The following AKR1C3 variants were observed in gnomAD, a reference collection of about 807,000 sequenced individuals.
AKR1C3 encodes the protein aldo-keto reductase family 1 member C3, also known as 3-alpha hydroxysteroid dehydrogenase, type II.
A neutral mutation model predicts 43.6 loss-of-function variants in AKR1C3; 48 were observed. The ratio of observed to expected loss-of-function variants is 1.10; its 90% confidence interval spans 0.87 to 1.40. The LOEUF is 1.40. Ranked by LOEUF, AKR1C3 falls within the 40% of genes most tolerant of loss-of-function variation. The pLI, the probability that AKR1C3 is intolerant of heterozygous loss-of-function variation, is 0.00. For synonymous variants in AKR1C3, 162 were observed against 139.6 expected (o/e 1.16, Z -1.13); for missense variants, 482 against 391.2 (o/e 1.23, Z -1.96).
At chr10:5,086,515 G>A (rs987964966) in intron 1 of AKR1C3, among the ~76,000 whole-genome samples, 5 of 151,702 alleles carry the variant, frequency 3.3e-5, no homozygotes, top group Non-Finnish European at 5.9e-5. Flanking sequence ...CAATTTTGGA[G>A]TAGGTGTGGT....
intron 1 of AKR1C3, among the ~76,000 whole-genome samples, chr10:5,087,904 A>G (rs190545160): frequency 6.6e-6 from 1 of 152,018 alleles, no homozygotes; most frequent in East Asian, 1.9e-4. Flanking sequence ...CTAGTTCCTT[A>G]GAAGTGACTT....
At chr10:5,058,641 C>A (rs1366897291) in intron 1 of AKR1C3, among the ~76,000 whole-genome samples, 2 of 152,204 alleles carry the variant, frequency 1.3e-5, no homozygotes, top group East Asian at 1.9e-4. Context: ...GCAGTGGAAA[C>A]AACCCCTGCC....
At position 5,062,508 on chromosome 10, in the gene AKR1C3, A is replaced by G. The variant is rs541840880; in HGVS notation, c.84+13613A>G. Among the ~76,000 whole-genome samples the G allele has an allele frequency of 2.0e-5, 3 of 152,330 alleles. No homozygotes were observed. The South Asian group carries it at 6.2e-4, about 32-fold the overall frequency. Reference sequence around the variant, plus strand: ...AATAATGTGTGCTCTACATCTCCGTATTAGTGTCTAATGAACATTCACCCT... The same window carrying G: ...AATAATGTGTGCTCTACATCTCCGTGTTAGTGTCTAATGAACATTCACCCT... On this transcript the variant is annotated intron_variant, in intron 1 of 8. Coordinates refer to the AKR1C3 transcript ENST00000439082.
chr10:5,073,923 C>G lies in AKR1C3; in HGVS notation c.85-22487C>G, dbSNP rs182567957. ...AAGATAAATCTTAGGGCCCCAAAATCACTAAGCTAAAGAAAAAAGTCAAGC... is the reference window on the plus strand; with the variant it reads ...AAGATAAATCTTAGGGCCCCAAAATGACTAAGCTAAAGAAAAAAGTCAAGC... On this transcript the variant is annotated intron_variant, in intron 1 of 8. Coordinates refer to the AKR1C3 transcript ENST00000439082. Among the ~76,000 whole-genome samples the G allele has an allele frequency of 2.8e-3, 419 of 152,164 alleles. 2 individuals are homozygous for G. The highest frequency in any genetic ancestry group is 9.2e-3 in the African/African-American group (380 of 41,506).
chr10:5,092,466 G>T (rs1312783287), upstream of AKR1C3, among the ~76,000 whole-genome samples: 2 of 138,524 alleles, frequency 1.4e-5, no homozygotes, highest in African/African-American at 5.3e-5. Flanking sequence ...TTTAGGGTCT[G>T]TTCACATCTC....
At chr10:5,098,970 A>T in intron 4 of AKR1C3, 91 bp downstream of exon 4, 1 of 1,062,546 alleles carries the variant, frequency 9.4e-7, no homozygotes, top group Middle Eastern at 2.1e-4. Flanking sequence ...AATATGCACC[A>T]TTAGATCTAG....
intron 1 of AKR1C3, among the ~76,000 whole-genome samples, chr10:5,069,490 A>G (rs1447090997): frequency 6.6e-6 from 1 of 152,240 alleles, no homozygotes; most frequent in Non-Finnish European, 1.5e-5. Flanking sequence ...CACTACTAAC[A>G]TAATCTTTTC....
At chr10:5,049,367 G>T (rs561354206) in intron 1 of AKR1C3, among the ~76,000 whole-genome samples, 2 of 152,258 alleles carry the variant, frequency 1.3e-5, no homozygotes, top group South Asian at 4.1e-4. Context: ...CTGATATGCG[G>T]CCTTGAGCAC....
chr10:5,098,283 C>T (rs782047410), intron 3 of AKR1C3: 3 of 764,762 alleles, frequency 3.9e-6, no homozygotes, highest in Non-Finnish European at 4.8e-6. Context: ...TTGACCCAAA[C>T]TTTTTCATTG....
At chr10:5,063,764 G>GAAAAAAAAAAAAAAAAAAAAAAAAAAA (rs1406943359) in intron 1 of AKR1C3, among the ~76,000 whole-genome samples, 5 of 33,434 alleles carry the variant, frequency 1.5e-4, no homozygotes, top group Middle Eastern at 0.018. Flanking sequence ...CTCTGTCTCA[G>GAAAAAAAAAAAAAAAAAAAAAAAAAAA]CAAAAAAAAA....
At chr10:5,073,567 T>G (rs941861858) in intron 1 of AKR1C3, among the ~76,000 whole-genome samples, 1 of 152,284 alleles carries the variant, frequency 6.6e-6, no homozygotes, top group Non-Finnish European at 1.5e-5. Flanking sequence ...CTTACCCACA[T>G]GACTCAGCGA....
chr10:5,094,413 C>T, upstream of AKR1C3: 3 of 1,605,882 alleles, frequency 1.9e-6, no homozygotes, highest in Non-Finnish European at 2.6e-6. Flanking sequence ...GAAGCAGCAG[C>T]AAACATTTGC....
intron 3 of AKR1C3, chr10:5,098,131 C>T (rs41306310): frequency 0.058 from 57,183 of 986,000 alleles, 1,828 homozygotes; most frequent in Non-Finnish European, 0.064. Flanking sequence ...ACTACTCAGG[C>T]TAGTTAATGC....
intron 1 of AKR1C3, among the ~76,000 whole-genome samples, chr10:5,073,705 C>T (rs1382669783): frequency 2.0e-5 from 3 of 152,160 alleles, no homozygotes; most frequent in Non-Finnish European, 4.4e-5. Flanking sequence ...AAAAGACTGC[C>T]ATGACTGTAT....
intron 4 of AKR1C3, 134 bp from the exon 5 acceptor site, chr10:5,099,191 TTC>T (rs1216370562): frequency 1.2e-5 from 17 of 1,442,696 alleles, no homozygotes; most frequent in Non-Finnish European, 1.4e-5. Flanking sequence ...GTTTGAATTT[TTC>T]TTTTTTTGAC....
chr10:5,050,515 A>G (rs1035412058), intron 1 of AKR1C3, among the ~76,000 whole-genome samples: 1 of 151,696 alleles, frequency 6.6e-6, no homozygotes, highest in Admixed American at 6.6e-5. Context: ...AGATTTTAAC[A>G]AGTAATAGAG....
At chr10:5,064,104 A>G (rs782613257) in intron 1 of AKR1C3, among the ~76,000 whole-genome samples, 1 of 152,186 alleles carries the variant, frequency 6.6e-6, no homozygotes, top group Non-Finnish European at 1.5e-5. Context: ...GATTGCAACC[A>G]TTCAGTAATA....
chr10:5,087,089 T>C (rs1838983204), intron 1 of AKR1C3, among the ~76,000 whole-genome samples: 1 of 152,158 alleles, frequency 6.6e-6, no homozygotes, highest in South Asian at 2.1e-4. Flanking sequence ...TATTGTTATG[T>C]GTGAATTTGA....
At chr10:5,080,224 G>A (rs991410966) in intron 1 of AKR1C3, among the ~76,000 whole-genome samples, 56 of 152,140 alleles carry the variant, frequency 3.7e-4, no homozygotes, top group African/African-American at 1.3e-3. Flanking sequence ...ATGGGAATGT[G>A]AATGAGTGTG....
Sources: gnomAD v4.1 joint callset for allele counts (sites outside exome capture counted in the v4.1 genomes callset) on GRCh38, gnomAD v4.1.1 for gene constraint, MANE v1.5 for transcripts, NCBI Gene and HGNC (gene_info 2026-07-23, HGNC 2026-07-21) for gene names.